Variants in NCOR1 observed in about 807,000 individuals in gnomAD.
The protein encoded by NCOR1 is nuclear receptor corepressor 1.
NCOR1 carries 63 observed loss-of-function variants against 288.1 expected under a neutral mutation model. That is an observed-to-expected ratio of 0.22 (90% CI 0.18 to 0.27). The LOEUF is 0.27. Ranked by LOEUF, NCOR1 falls within the 10% of genes least tolerant of loss-of-function variation. The pLI, the probability that NCOR1 is intolerant of heterozygous loss-of-function variation, is 1.00. For missense variants in NCOR1, 2,397 were observed against 3,019.2 expected (o/e 0.79, Z 4.83); for synonymous variants, 1,007 against 1,065.9 (o/e 0.94, Z 1.08).
In NCOR1 at chr17:16,029,379, C is replaced by T. The variant is rs775164899; in HGVS notation, c.*2917G>A. On this transcript the variant is annotated 3_prime_UTR_variant, in exon 46 of 46. Transcript: ENST00000268712. The stretch of plus-strand genomic sequence containing the variant: ...AATTCAAAAGTGAATTGGTTAAAAT[C>T]GTGTCATTAAAATTTTTTAACTGTC... The T allele has an allele frequency of 3.3e-5, 11 of 336,286 alleles. No homozygotes were observed. The highest frequency in any genetic ancestry group is 8.7e-5 in the African/African-American group (4 of 45,828). The allele number at this position is 336,286 out of a possible 1,614,324, so 20.8% of individuals were successfully genotyped here.
intron 28 of NCOR1, among the ~76,000 whole-genome samples, chr17:16,073,221 T>G (rs767289066): frequency 3.9e-5 from 6 of 152,208 alleles, no homozygotes; most frequent in Non-Finnish European, 8.8e-5. Context: ...TTTGACTTCC[T>G]TCCATTGTTA....
intron 19 of NCOR1, among the ~76,000 whole-genome samples, chr17:16,106,883 ATTTTTTTTTTTTT>A (rs144246158): frequency 3.2e-5 from 1 of 31,406 alleles, no homozygotes. Context: ...ATATATATAT[ATTTTTTTTTTTTT>A]TTTTTTTTTT....
rs141665694 is a variant in NCOR1 at position 16,121,981 on chromosome 17, G to A, written c.1635-712C>T. Among the ~76,000 whole-genome samples the A allele has an allele frequency of 5.3e-5, 8 of 152,248 alleles. No individual in the cohort carries two copies. In the East Asian group the frequency reaches 1.2e-3, roughly 22 times the overall value. ...TACAATGAGAAAAAGTTTATTTCATGGGACTGTTGCCAGGACTGAAGGAGT... is the reference window on the plus strand; with the variant it reads ...TACAATGAGAAAAAGTTTATTTCATAGGACTGTTGCCAGGACTGAAGGAGT... On this transcript the variant is annotated intron_variant, in intron 15 of 45. Transcript: ENST00000268712.
chr17:16,144,517 G>T, intron 10 of NCOR1, among the ~76,000 whole-genome samples: 1 of 152,150 alleles, frequency 6.6e-6, no homozygotes, highest in East Asian at 1.9e-4. Flanking sequence ...ATGGGGATTT[G>T]TCGTACAGAT....
intron 7 of NCOR1, among the ~76,000 whole-genome samples, chr17:16,152,328 G>A (rs992512541): frequency 3.4e-5 from 5 of 148,036 alleles, no homozygotes; most frequent in South Asian, 2.2e-4. Context: ...GACAGGCCCC[G>A]GTGTGTGATG....
intron 21 of NCOR1, among the ~76,000 whole-genome samples, chr17:16,095,278 G>T (rs1441262730): frequency 1.3e-5 from 2 of 148,308 alleles, no homozygotes; most frequent in African/African-American, 2.5e-5. Context: ...GAGGTGAGGA[G>T]CGTCTCTGCC....
At chr17:16,081,938 G>T (rs546636975) in intron 23 of NCOR1, among the ~76,000 whole-genome samples, 1 of 152,326 alleles carries the variant, frequency 6.6e-6, no homozygotes, top group African/African-American at 2.4e-5. Flanking sequence ...AACTTAGGCT[G>T]CCCTTAAGGC....
intron 4 of NCOR1, among the ~76,000 whole-genome samples, chr17:16,168,565 C>G (rs576725977): frequency 6.6e-6 from 1 of 152,202 alleles, no homozygotes; most frequent in East Asian, 1.9e-4. Context: ...TTTTGCAGGA[C>G]AATCTGGAAA....
At chr17:16,151,685 C>A in intron 8 of NCOR1, 1 of 1,304,440 alleles carries the variant, frequency 7.7e-7, no homozygotes, top group Non-Finnish European at 1.0e-6. Flanking sequence ...TGTTAAGTAT[C>A]CACCTTTTTT....
At chr17:16,111,713 G>C (rs1388900599) in intron 18 of NCOR1, among the ~76,000 whole-genome samples, 1 of 151,308 alleles carries the variant, frequency 6.6e-6, no homozygotes. Flanking sequence ...CAATCAACCA[G>C]CCTACTCCAT....
intron 5 of NCOR1, among the ~76,000 whole-genome samples, chr17:16,163,579 G>C (rs1233566874): frequency 6.6e-6 from 1 of 152,106 alleles, no homozygotes; most frequent in Non-Finnish European, 1.5e-5. Flanking sequence ...ATATAAAATG[G>C]TACAGAGACT....
chr17:16,166,415 T>A (rs1296603126), intron 4 of NCOR1, among the ~76,000 whole-genome samples: 1 of 152,188 alleles, frequency 6.6e-6, no homozygotes, highest in African/African-American at 2.4e-5. Context: ...GCACAGTGGC[T>A]CATGCCTGTA....
At chr17:16,041,695 A>G (rs2057692662) in intron 42 of NCOR1, among the ~76,000 whole-genome samples, 1 of 151,742 alleles carries the variant, frequency 6.6e-6, no homozygotes, top group Admixed American at 6.6e-5. Flanking sequence ...GATTACAGGC[A>G]TGGGCCACTG....
At chr17:16,201,156 T>C (rs1431498545) in intron 1 of NCOR1, among the ~76,000 whole-genome samples, 1 of 152,216 alleles carries the variant, frequency 6.6e-6, no homozygotes, top group Admixed American at 6.5e-5. Context: ...TTTGACATCA[T>C]GACATCTTAC....
intron 3 of NCOR1, among the ~76,000 whole-genome samples, chr17:16,173,879 C>T (rs1369611745): frequency 6.6e-6 from 1 of 151,694 alleles, no homozygotes; most frequent in African/African-American, 2.4e-5. Flanking sequence ...TGAGGTGACC[C>T]GAGATCATGC....
chr17:16,033,336 C>CAAAAA (rs59285422), intron 45 of NCOR1, among the ~76,000 whole-genome samples: 1,258 of 57,120 alleles, frequency 0.022, 14 homozygotes, highest in African/African-American at 0.059. Context: ...ACTCCGTCTC[C>CAAAAA]AAAAAAAAAA....
In NCOR1 at chr17:16,064,909, A is replaced by G; in HGVS notation, c.5062T>C (p.Phe1688Leu). ...ITYIPGTQIT[F>L]PPRPYNSASM... Reference sequence around the variant, plus strand: ...GCAGAGTTGTACGGCCTGGGAGGGAAAGTAATCTGTGTACCAGGAATATAA... The same window carrying G: ...GCAGAGTTGTACGGCCTGGGAGGGAGAGTAATCTGTGTACCAGGAATATAA... The change falls in exon 34 of 46, where the codon TTC (phenylalanine) becomes CTC (leucine). Residue 1688 changes from phenylalanine (F) to leucine (L), a missense_variant. Phe to Leu is a conservative substitution (Grantham distance 22). Around this residue, in one of 11 missense-constraint regions of NCOR1, gnomAD observed 1,872 missense variants for 2,187.8 expected, o/e 0.86. Coordinates refer to ENST00000268712, the MANE Select transcript of NCOR1 (RefSeq NM_006311.4). 2 of 1,613,704 alleles carry G rather than the reference A, an allele frequency of 1.2e-6. No individual in the cohort carries two copies. Among genetic ancestry groups the G allele is most frequent in the South Asian group, 1.1e-5 (1 of 91,048 alleles).
At chr17:16,039,377 A>G in intron 44 of NCOR1, 56 bp downstream of exon 44, 1 of 1,544,680 alleles carries the variant, frequency 6.5e-7, no homozygotes, top group Non-Finnish European at 8.9e-7. Flanking sequence ...AATTTGGGAA[A>G]TAAACTGGCT....
intron 5 of NCOR1, among the ~76,000 whole-genome samples, chr17:16,159,811 C>T (rs1000996722): frequency 6.6e-6 from 1 of 151,756 alleles, no homozygotes; most frequent in Non-Finnish European, 1.5e-5. Context: ...TGGTGTGATC[C>T]TAGGAACCTT....
Sources: allele counts gnomAD v4.1 joint callset (sites outside exome capture counted in the v4.1 genomes callset), GRCh38; gene constraint gnomAD v4.1.1; regional missense constraint gnomAD v4.1.1; transcripts MANE v1.5; gene names NCBI Gene and HGNC (gene_info 2026-07-23, HGNC 2026-07-21).